The following TMEM230 variants were observed in gnomAD, a reference collection of about 807,000 sequenced individuals.
The protein encoded by TMEM230 is transmembrane protein 230.
A neutral mutation model predicts 15.8 loss-of-function variants in TMEM230; 10 were observed. That is an observed-to-expected ratio of 0.63 (90% confidence interval 0.39 to 1.07). TMEM230 has a LOEUF of 1.07. Ranked by LOEUF, TMEM230 falls within the 50% of genes least tolerant of loss-of-function variation. The pLI is 0.01. For missense variants in TMEM230, 165 were observed against 193.3 expected (o/e 0.85, Z 0.87); for synonymous variants, 67 against 76.9 (o/e 0.87, Z 0.68).
intron 3 of TMEM230, among the ~76,000 whole-genome samples, chr20:5,091,296 T>C (rs4395308): frequency 0.54 from 82,331 of 151,598 alleles, 22,849 homozygotes; most frequent in East Asian, 0.84. Context: ...CGGCAACCTC[T>C]GCCTCCCCGG....
chr20:5,084,349 G>A (rs2089272148), intron 3 of TMEM230, among the ~76,000 whole-genome samples: 1 of 150,434 alleles, frequency 6.6e-6, no homozygotes, highest in Admixed American at 6.7e-5. Context: ...TCAGCCCCCT[G>A]AGTAACTGGG....
At chr20:5,102,741 A>C (rs1474676362) in intron 4 of TMEM230, among the ~76,000 whole-genome samples, 1 of 151,984 alleles carries the variant, frequency 6.6e-6, no homozygotes, top group African/African-American at 2.4e-5. Flanking sequence ...TATTCTGAAC[A>C]GACATGGAGA....
At chr20:5,084,705 T>A (rs982152591) in intron 3 of TMEM230, among the ~76,000 whole-genome samples, 2 of 152,184 alleles carry the variant, frequency 1.3e-5, no homozygotes, top group African/African-American at 4.8e-5. Context: ...AGCTAATTTT[T>A]GTATTTTTAG....
intron 3 of TMEM230, among the ~76,000 whole-genome samples, chr20:5,093,002 A>G (rs1000164422): frequency 2.0e-5 from 3 of 152,210 alleles, no homozygotes; most frequent in Non-Finnish European, 4.4e-5. Context: ...TAGCCAGAGC[A>G]TTAGGTGAGA....
intron 3 of TMEM230, among the ~76,000 whole-genome samples, chr20:5,093,522 T>C (rs1001074750): frequency 6.6e-6 from 1 of 151,758 alleles, no homozygotes; most frequent in African/African-American, 2.4e-5. Context: ...GTTACAGGCA[T>C]GAGCCACTGC....
intron 3 of TMEM230, among the ~76,000 whole-genome samples, chr20:5,071,874 C>T (rs528734843): frequency 2.6e-5 from 4 of 151,638 alleles, no homozygotes; most frequent in Admixed American, 6.6e-5. Context: ...CAAGTAGCTG[C>T]GATTACAGGT....
rs904997781 is a variant in TMEM230, at chr20:5,100,895, T to A, written c.448A>T (p.Ile150Phe). The change falls in exon 5 of 5, where the codon ATT becomes TTT. Residue 150 changes from isoleucine (I) to phenylalanine (F), a missense_variant. Transcript: ENST00000342308. ...TAAAATCCGGGTAGGAACACCAGAATGCCAATGATCAGCACTGGAACGGCC... is the reference window on the plus strand; with the variant it reads ...TAAAATCCGGGTAGGAACACCAGAAAGCCAATGATCAGCACTGGAACGGCC... The A allele has an allele frequency of 6.2e-7, 1 of 1,614,038 alleles. No homozygotes were observed. The highest frequency in any genetic ancestry group is 8.5e-7 in the Non-Finnish European group (1 of 1,180,036).
intron 3 of TMEM230, among the ~76,000 whole-genome samples, chr20:5,070,319 T>A (rs923270254): frequency 6.6e-6 from 1 of 152,182 alleles, no homozygotes; most frequent in African/African-American, 2.4e-5. Context: ...TTGCGCTAAC[T>A]GTAGCACTAA....
chr20:5,072,410 T>C (rs981709141), intron 3 of TMEM230, among the ~76,000 whole-genome samples: 5 of 152,152 alleles, frequency 3.3e-5, no homozygotes, highest in African/African-American at 4.8e-5. Context: ...TCCCTGTCCA[T>C]GGTGATGGTT....
chr20:5,086,184 G>A (rs1016024997), intron 3 of TMEM230, among the ~76,000 whole-genome samples: 20 of 149,388 alleles, frequency 1.3e-4, no homozygotes, highest in Non-Finnish European at 2.2e-4. Flanking sequence ...CACTTGAGCA[G>A]GAGTTTGAGA....
chr20:5,103,478 G>A (rs898070972), intron 4 of TMEM230, among the ~76,000 whole-genome samples: 7 of 151,542 alleles, frequency 4.6e-5, no homozygotes, highest in Non-Finnish European at 4.4e-5. Flanking sequence ...TGGGCAACAC[G>A]GCAAAACCTC....
chr20:5,101,034 G>C lies in TMEM230; in HGVS notation c.412-103C>G, dbSNP rs191849802. 1,613 of 1,359,258 alleles carry C rather than the reference G, an allele frequency of 1.2e-3. 1 individual carries two copies. The highest frequency in any genetic ancestry group is 1.5e-3 in the Non-Finnish European group (1,515 of 1,032,952). The allele number at this position is 1,359,258 out of a possible 1,614,324, so 84.2% of individuals were successfully genotyped here. A position where few individuals can be genotyped will look rare whatever the true frequency, so the allele number is the denominator to read the frequency against. Reference sequence around the variant, plus strand: ...TTAGATCAGTATTTTATACTCTTCAGTACTTTTTCTTTGAGTTGTATACCA... The same window carrying C: ...TTAGATCAGTATTTTATACTCTTCACTACTTTTTCTTTGAGTTGTATACCA... On this transcript the variant is annotated intron_variant, in intron 4 of 4. Transcript: ENST00000342308.
At chr20:5,082,574 C>T (rs908225715) in intron 3 of TMEM230, among the ~76,000 whole-genome samples, 23 of 152,206 alleles carry the variant, frequency 1.5e-4, no homozygotes, top group African/African-American at 5.1e-4. Flanking sequence ...TCCTGAGTAG[C>T]TGGGATTACA....
downstream of TMEM230, among the ~76,000 whole-genome samples, chr20:5,099,280 C>T (rs1169534016): frequency 6.6e-6 from 1 of 151,846 alleles, no homozygotes; most frequent in Non-Finnish European, 1.5e-5. Context: ...TTTGGTTGGC[C>T]AAAACCTTCT....
downstream of TMEM230, among the ~76,000 whole-genome samples, chr20:5,063,262 A>G (rs2088622902): frequency 6.8e-6 from 1 of 147,600 alleles, no homozygotes; most frequent in South Asian, 2.2e-4. Flanking sequence ...AGGAATCACT[A>G]AGTAGCTGCT....
intron 3 of TMEM230, among the ~76,000 whole-genome samples, chr20:5,094,160 T>C (rs2089595107): frequency 6.6e-6 from 1 of 151,496 alleles, no homozygotes; most frequent in African/African-American, 2.4e-5. Context: ...CGTTTCACCA[T>C]GGTGCTCAGG....
downstream of TMEM230, among the ~76,000 whole-genome samples, chr20:5,065,921 A>C (rs2088647723): frequency 6.6e-6 from 1 of 152,170 alleles, no homozygotes; most frequent in South Asian, 2.1e-4. Context: ...CGTCCCTGGA[A>C]TGACCGGGGA....
At chr20:5,075,154 C>T (rs1043822409) in intron 3 of TMEM230, among the ~76,000 whole-genome samples, 3 of 151,758 alleles carry the variant, frequency 2.0e-5, no homozygotes, top group Non-Finnish European at 4.4e-5. Context: ...CAACCTCTAC[C>T]TCCCGGGTTC....
intron 4 of TMEM230, among the ~76,000 whole-genome samples, chr20:5,104,383 A>C (rs984963475): frequency 5.3e-5 from 8 of 152,216 alleles, no homozygotes; most frequent in Admixed American, 2.6e-4. Flanking sequence ...TCCAAAAAAA[A>C]CGGCAATAAC....
Sources: gnomAD v4.1 joint callset for allele counts (sites outside exome capture counted in the v4.1 genomes callset) on GRCh38, gnomAD v4.1.1 for gene constraint, MANE v1.5 for transcripts, NCBI Gene and HGNC (gene_info 2026-07-23, HGNC 2026-07-21) for gene names.